NUDT9: variants seen among roughly 807,000 people sequenced by gnomAD.
The protein encoded by NUDT9 is nudix hydrolase 9, also known as ADP-ribose pyrophosphatase.
In NUDT9, 31 loss-of-function variants were observed where a neutral mutation model predicts 41.0. That is an observed-to-expected ratio of 0.76 (90% CI 0.57 to 1.02). The LOEUF is 1.02. Among genes scored for constraint, NUDT9 ranks in the 50% least tolerant of loss-of-function variants. NUDT9 has a pLI of 0.00. For missense variants in NUDT9, 380 were observed against 431.4 expected (o/e 0.88, Z 1.06); for synonymous variants, 146 against 147.6 (o/e 0.99, Z 0.08).
chr4:87,433,995 A>G (rs1043364207), intron 1 of NUDT9, among the ~76,000 whole-genome samples: 1 of 152,078 alleles, frequency 6.6e-6, no homozygotes, highest in East Asian at 1.9e-4. Flanking sequence ...TGTATGTTAG[A>G]CTATAGATGA....
At chr4:87,423,057 G>GT in intron 1 of NUDT9, 45 bp downstream of exon 1, 10 of 1,469,902 alleles carry the variant, frequency 6.8e-6, no homozygotes, top group Non-Finnish European at 9.4e-6. Flanking sequence ...TAGACCTTGA[G>GT]TTGGGGGTGG....
intron 2 of NUDT9, among the ~76,000 whole-genome samples, chr4:87,437,398 T>A (rs1285279909): frequency 6.6e-6 from 1 of 152,086 alleles, no homozygotes; most frequent in Non-Finnish European, 1.5e-5. Context: ...TGGAGTGCAG[T>A]GGCGCCATCT....
chr4:87,424,773 A>G (rs879305919), intron 1 of NUDT9, among the ~76,000 whole-genome samples: 3 of 152,102 alleles, frequency 2.0e-5, no homozygotes, highest in East Asian at 1.9e-4. Context: ...CTCTCTGGAA[A>G]TCTCTAATGC....
intron 2 of NUDT9, among the ~76,000 whole-genome samples, chr4:87,437,633 T>G (rs930366693): frequency 6.6e-6 from 1 of 152,032 alleles, no homozygotes; most frequent in African/African-American, 2.4e-5. Flanking sequence ...TGAGCCACCA[T>G]GCCTGGCTGT....
At chr4:87,445,675 T>C (rs1722412558) in intron 4 of NUDT9, among the ~76,000 whole-genome samples, 3 of 152,206 alleles carry the variant, frequency 2.0e-5, no homozygotes, top group Admixed American at 2.0e-4. Context: ...GGGGAGGGAA[T>C]AGCAATAGGG....
chr4:87,456,776 A>G (rs1399023893), intron 7 of NUDT9, among the ~76,000 whole-genome samples: 1 of 151,982 alleles, frequency 6.6e-6, no homozygotes, highest in Admixed American at 6.6e-5. Context: ...TAAGAATACA[A>G]AAAAATTAGC....
chr4:87,451,664 C>T lies in NUDT9; in HGVS notation c.718C>T (p.Gln240Ter). The T allele has an allele frequency of 1.2e-6, 2 of 1,613,758 alleles. No individual in the cohort carries two copies. Among genetic ancestry groups the T allele is most frequent in the Non-Finnish European group, 1.7e-6 (2 of 1,179,756 alleles). Reference protein sequence around the residue: ...EFGEEALNSLQKTSAEKREIE... With the variant: ...EFGEEALNSL The stretch of plus-strand genomic sequence containing the variant: ...TGGTGAGGAAGCTCTCAACTCCTTA[C>T]AGAAAACCAGTGCTGAGAAGAGAGA... The change falls in exon 6 of 8, where the codon CAG (glutamine) becomes TAG (stop). Residue 240 changes from glutamine to a stop codon, truncating the protein, a stop_gained. Coordinates refer to ENST00000302174, the MANE Select transcript of NUDT9 (RefSeq NM_024047.5). LOFTEE classifies it high-confidence loss of function.
Position 87,422,939 on chromosome 4 carries a change from G to A in NUDT9, c.34G>A (p.Ala12Thr). 6.2e-7 allele frequency: 1 copy of A among 1,612,456 alleles called. No homozygotes were observed. Among genetic ancestry groups the A allele is most frequent in the Non-Finnish European group, 8.5e-7 (1 of 1,179,720 alleles). ...ACGCCTCCTGGGAAAGGCTTTAGCC[G>A]CGGTGTCTCTCTCTCTGGCCTTGGC... is the stretch of plus-strand genomic sequence containing the variant. ...AGRLLGKALA[A>T]VSLSLALASV... The change falls in exon 1 of 8, where the codon GCG becomes ACG. Residue 12 changes from alanine (A) to threonine (T), a missense_variant. Physicochemically the swap from Ala to Thr is moderately conservative, Grantham distance 58 (BLOSUM62 0). Transcript: ENST00000302174.
In NUDT9 at chr4:87,458,280, A is replaced by C; in HGVS notation, c.*259A>C. On this transcript the variant is annotated 3_prime_UTR_variant, in exon 8 of 8. Coordinates refer to ENST00000302174, the MANE Select transcript of NUDT9 (RefSeq NM_024047.5). Reference sequence around the variant, plus strand: ...TTCGATTTAAGCATGGCTTAAATTAAATTTAAACAACTAATGCTCTTTGAA... The same window carrying C: ...TTCGATTTAAGCATGGCTTAAATTACATTTAAACAACTAATGCTCTTTGAA... 3.4e-6 allele frequency: 1 copy of C among 294,960 alleles called. No homozygotes were observed. The highest frequency in any genetic ancestry group is 6.2e-6 in the Non-Finnish European group (1 of 161,898). The allele number at this position is 294,960 out of a possible 1,614,324, so 18.3% of individuals were successfully genotyped here.
rs535294366 is a variant in NUDT9 at position 87,434,987 on chromosome 4, G to A, written c.114G>A (p.Ser38=). The change falls in exon 2 of 8, where the codon TCG becomes TCA. Residue 38 remains serine, a synonymous_variant. Coordinates refer to ENST00000302174, the MANE Select transcript of NUDT9 (RefSeq NM_024047.5). ...RCRGIQAFRN[S]FSSSWFHLNT... ...TTTTCTTTTTCTCCCCCAGAAACTC[G>A]TTTTCATCTTCTTGGTTTCATCTTA... is the stretch of plus-strand genomic sequence containing the variant. 1.3e-5 allele frequency: 21 copies of A among 1,605,762 alleles called. No homozygotes were observed. In the African/African-American group the frequency reaches 1.6e-4, roughly 12 times the overall value.
intron 7 of NUDT9, among the ~76,000 whole-genome samples, chr4:87,455,008 G>A (rs1336131187): frequency 6.6e-6 from 1 of 152,184 alleles, no homozygotes; most frequent in African/African-American, 2.4e-5. Flanking sequence ...AAAATCTGCT[G>A]TCTTAAAAAT....
chr4:87,427,319 C>T (rs1459305106), intron 1 of NUDT9, among the ~76,000 whole-genome samples: 1 of 152,142 alleles, frequency 6.6e-6, no homozygotes, highest in East Asian at 1.9e-4. Flanking sequence ...GTTTGCCAGT[C>T]TTAAGAATTG....
chr4:87,456,668 A>G (rs1723004206), intron 7 of NUDT9, among the ~76,000 whole-genome samples: 1 of 152,176 alleles, frequency 6.6e-6, no homozygotes, highest in Non-Finnish European at 1.5e-5. Context: ...TGTTCCTACC[A>G]GGTGCTGACT....
chr4:87,433,042 C>T (rs901304341), intron 1 of NUDT9, among the ~76,000 whole-genome samples: 1 of 152,096 alleles, frequency 6.6e-6, no homozygotes, highest in African/African-American at 2.4e-5. Context: ...ACTTCCTCTT[C>T]ACGTTTTTGG....
At chr4:87,441,960 TA>T in intron 4 of NUDT9, 45 bp downstream of exon 4, 2 of 1,415,048 alleles carry the variant, frequency 1.4e-6, no homozygotes, top group Non-Finnish European at 1.9e-6. Context: ...AGCTAAGTGA[TA>T]GAAAAATTGC....
chr4:87,437,385 G>C (rs1186830910), intron 2 of NUDT9, among the ~76,000 whole-genome samples: 1 of 151,692 alleles, frequency 6.6e-6, no homozygotes, highest in African/African-American at 2.4e-5. Flanking sequence ...CTGTCGCCCA[G>C]GCTGGAGTGC....
At chr4:87,447,900 C>T (rs1402750305) in intron 4 of NUDT9, among the ~76,000 whole-genome samples, 2 of 151,784 alleles carry the variant, frequency 1.3e-5, no homozygotes, top group African/African-American at 4.8e-5. Flanking sequence ...GGCATGGTGG[C>T]CCACGCCTGT....
intron 4 of NUDT9, among the ~76,000 whole-genome samples, chr4:87,447,248 T>C (rs1722499813): frequency 6.6e-6 from 1 of 152,170 alleles, no homozygotes; most frequent in African/African-American, 2.4e-5. Flanking sequence ...TTGTACTAAT[T>C]ATTATTTCAT....
In NUDT9 at chr4:87,422,887, A is replaced by G. The variant is rs972901132; in HGVS notation, c.-19A>G. ...AACTAAGAGCGACCTAGCATCGCAA[A>G]GCCGCCCTCGGGGCGCTCATGGCGG... On this transcript the variant is annotated 5_prime_UTR_variant, in exon 1 of 8. Transcript: ENST00000302174. 1.2e-6 allele frequency: 2 copies of G among 1,602,784 alleles called. No homozygotes were observed. Among genetic ancestry groups the G allele is most frequent in the Non-Finnish European group, 1.7e-6 (2 of 1,176,644 alleles).
Sources: gnomAD v4.1 joint callset for allele counts (sites outside exome capture counted in the v4.1 genomes callset) on GRCh38, gnomAD v4.1.1 for gene constraint, MANE v1.5 for transcripts, NCBI Gene and HGNC (gene_info 2026-07-23, HGNC 2026-07-21) for gene names.